Variants in RSPH10B observed in about 807,000 individuals in gnomAD.
RSPH10B encodes the protein radial spoke head 10 homolog B (Chlamydomonas).
Under a neutral mutation model 52.5 loss-of-function variants are expected in RSPH10B, and 7 were observed. The observed-to-expected ratio is 0.13, with a 90% CI of 0.08 to 0.25. RSPH10B has a LOEUF of 0.25. Ranked by LOEUF, RSPH10B falls within the 10% of genes least tolerant of loss-of-function variation. The pLI, the probability that RSPH10B is intolerant of heterozygous loss-of-function variation, is 1.00. For synonymous variants in RSPH10B, 28 were observed against 193.2 expected (o/e 0.14, Z 7.09); for missense variants, 89 against 542.5 (o/e 0.16, Z 8.30).
upstream of RSPH10B, among the ~76,000 whole-genome samples, chr7:5,968,750 T>C (rs554736547): frequency 0.031 from 1,918 of 61,932 alleles, 233 homozygotes; most frequent in African/African-American, 0.074. Context: ...CCTCGTGATC[T>C]GCCCGCCTTG....
intron 12 of RSPH10B, 24 bp from the exon 15 acceptor site, chr7:5,943,496 T>C (rs1452743124): frequency 6.2e-7 from 1 of 1,607,782 alleles, no homozygotes; most frequent in African/African-American, 1.4e-5. Context: ...GTTCGAAAAA[T>C]GATTACAGAT....
intron 18 of RSPH10B, among the ~76,000 whole-genome samples, chr7:5,927,809 G>A (rs1779581794): frequency 6.8e-6 from 1 of 146,262 alleles, no homozygotes; most frequent in Non-Finnish European, 1.5e-5. Context: ...GGTGGTGCAT[G>A]CTTCTAATCC....
rs1343777258 is a variant in RSPH10B at position 5,942,889 on chromosome 7, A to G, written c.1758+435T>C. The stretch of plus-strand genomic sequence containing the variant: ...AAAAAATAAAATTAAAAATATATAT[A>G]TATTTATTATATATATATTTATTTA... On this transcript the variant is annotated intron_variant, in intron 13 of 18. Coordinates refer to ENST00000337579, the Ensembl canonical transcript of RSPH10B. 2.2e-5 allele frequency among the ~76,000 whole-genome samples: 3 copies of G among 135,174 alleles called. 1 individual carries two copies. Among genetic ancestry groups the G allele is most frequent in the Non-Finnish European group, 4.7e-5 (3 of 63,230 alleles). 88.7% of individuals were successfully genotyped at this position (135,174 alleles called of 152,430 possible).
intron 13 of RSPH10B, among the ~76,000 whole-genome samples, chr7:5,941,704 A>T (rs1431400161): frequency 1.4e-5 from 2 of 139,152 alleles, no homozygotes; most frequent in African/African-American, 5.2e-5. Flanking sequence ...AGACCTCACC[A>T]CTGCACTCCA....
At chr7:5,957,736 C>T (rs1160635972) in intron 6 of RSPH10B, among the ~76,000 whole-genome samples, 171 bp downstream of exon 8, 6 of 129,440 alleles carry the variant, frequency 4.6e-5, no homozygotes, top group Non-Finnish European at 9.6e-5. Flanking sequence ...GTGGAGGCTG[C>T]AGTGAGCCAA....
At chr7:5,945,232 T>C in intron 10 of RSPH10B, 54 bp from the exon 13 acceptor site, 1 of 447,270 alleles carries the variant, frequency 2.2e-6, no homozygotes, top group East Asian at 4.9e-5. Context: ...CCTTCCATTT[T>C]ATTTGCGCCT....
intron 13 of RSPH10B, among the ~76,000 whole-genome samples, chr7:5,942,722 T>G (rs1780259487): frequency 6.7e-6 from 1 of 150,372 alleles, no homozygotes. Flanking sequence ...ATTAGCCAGG[T>G]GTGGTGGCGG....
chr7:5,928,418 G>A, intron 17 of RSPH10B, 24 bp from the exon 20 acceptor site: 1 of 1,601,214 alleles, frequency 6.2e-7, no homozygotes. Context: ...TCATGAAGCT[G>A]AACATGAATA....
rs529600017 is a variant in RSPH10B at position 5,932,167 on chromosome 7, C to T, written c.2233+615G>A. ...GCATGAGGTTGGAAGTTCACACGGA[C>T]ACGGCTGAGGAATCAGACCAGAGGG... On this transcript the variant is annotated intron_variant, in intron 17 of 18. Coordinates refer to ENST00000337579, the Ensembl canonical transcript of RSPH10B. Among the ~76,000 whole-genome samples the T allele has an allele frequency of 9.6e-5, 12 of 125,490 alleles. No individual in the cohort carries two copies. In the East Asian group the frequency reaches 2.3e-3, roughly 24 times the overall value. 82.3% of individuals were successfully genotyped at this position (125,490 alleles called of 152,430 possible).
intron 18 of RSPH10B, among the ~76,000 whole-genome samples, chr7:5,927,088 G>GTA (rs1779524488): frequency 1.4e-5 from 1 of 70,572 alleles, no homozygotes; most frequent in Non-Finnish European, 2.8e-5. Context: ...GTGTGTGTGT[G>GTA]TGTGTGTGTA....
intron 11 of RSPH10B, among the ~76,000 whole-genome samples, chr7:5,944,283 AG>A (rs1227804336): frequency 6.6e-6 from 1 of 150,778 alleles, no homozygotes; most frequent in Non-Finnish European, 1.5e-5. Context: ...CGGTAATCCC[AG>A]CTACTTGGGA....
At chr7:5,961,404 AT>A (rs1459141561) in intron 3 of RSPH10B, among the ~76,000 whole-genome samples, 2 of 140,456 alleles carry the variant, frequency 1.4e-5, no homozygotes, top group Admixed American at 1.4e-4. Context: ...CAATGGCGCC[AT>A]CTCGGCTCAC....
intron 17 of RSPH10B, among the ~76,000 whole-genome samples, chr7:5,931,601 A>G (rs1779775374): frequency 6.6e-6 from 1 of 151,246 alleles, no homozygotes; most frequent in Non-Finnish European, 1.5e-5. Flanking sequence ...TCATACCTGT[A>G]ACCTCAGCAC....
intron 6 of RSPH10B, among the ~76,000 whole-genome samples, chr7:5,957,560 C>T (rs1227836856): frequency 4.2e-3 from 156 of 37,148 alleles, no homozygotes; most frequent in Admixed American, 0.037. Context: ...CTGAGGCGCG[C>T]GGATCACTTG....
chr7:5,960,913 G>A lies in RSPH10B; in HGVS notation c.400-49C>T, dbSNP rs1236171281. The A allele has an allele frequency of 1.9e-6, 2 of 1,030,456 alleles. 1 individual carries two copies. The highest frequency in any genetic ancestry group is 1.1e-4 in the East Asian group (2 of 18,922). 63.8% of individuals were successfully genotyped at this position (1,030,456 alleles called of 1,614,324 possible). A position where few individuals can be genotyped will look rare whatever the true frequency, so the allele number is the denominator to read the frequency against. Reference sequence around the variant, plus strand: ...GACAGAAGGAAGTGTTGGGGGGTGGGGGCGGGAATCCCTAGTCCTGCGGGC... The same window carrying A: ...GACAGAAGGAAGTGTTGGGGGGTGGAGGCGGGAATCCCTAGTCCTGCGGGC... On this transcript the variant is annotated intron_variant, in intron 3 of 18. Transcript: ENST00000337579.
At chr7:5,950,619 CCT>C (rs1780570009) in intron 9 of RSPH10B, among the ~76,000 whole-genome samples, 1 of 142,272 alleles carries the variant, frequency 7.0e-6, no homozygotes, top group East Asian at 2.1e-4. Context: ...TACTCACCTC[CCT>C]CTGTCACACT....
chr7:5,948,305 T>C (rs1269519080), exon 10 of RSPH10B: 1 of 23,832 alleles, frequency 4.2e-5, no homozygotes, highest in East Asian at 3.8e-4. Flanking sequence ...AGTGAAGCTT[T>C]GTCATCAGAA....
chr7:5,947,632 T>C, intron 10 of RSPH10B, among the ~76,000 whole-genome samples: 1 of 104,806 alleles, frequency 9.5e-6, no homozygotes. Flanking sequence ...GGAGAGTCAC[T>C]TGAACCCAGG....
At chr7:5,941,271 C>T (rs545656793) in intron 13 of RSPH10B, among the ~76,000 whole-genome samples, 3 of 143,218 alleles carry the variant, frequency 2.1e-5, no homozygotes, top group African/African-American at 5.1e-5. Flanking sequence ...CACTGTACTC[C>T]AGCCTGGGTG....
Sources: allele counts gnomAD v4.1 joint callset (sites outside exome capture counted in the v4.1 genomes callset), GRCh38; gene constraint gnomAD v4.1.1; transcripts MANE v1.5; gene names NCBI Gene and HGNC (gene_info 2026-07-23, HGNC 2026-07-21).